Variants in EPB41L4A observed in about 807,000 individuals in gnomAD.
EPB41L4A encodes erythrocyte membrane protein band 4.1 like 4A, also known as band 4.1-like protein 4A.
EPB41L4A carries 100 observed loss-of-function variants against 108.6 expected under a neutral mutation model. The observed-to-expected ratio is 0.92, with a 90% confidence interval of 0.78 to 1.09. EPB41L4A has a LOEUF of 1.09. Ranked by LOEUF, EPB41L4A falls within the 50% of genes least tolerant of loss-of-function variation. EPB41L4A has a pLI of 0.00. For missense variants in EPB41L4A, 1,030 were observed against 842.7 expected (o/e 1.22, Z -2.75); for synonymous variants, 319 against 289.0 (o/e 1.10, Z -1.05).
At chr5:112,165,224 T>G (rs1760172244) in intron 22 of EPB41L4A, 106 bp from the exon 23 acceptor site, 1 of 838,776 alleles carries the variant, frequency 1.2e-6, no homozygotes, top group Non-Finnish European at 1.9e-6. Flanking sequence ...GATACTGAGT[T>G]AATTCAAAAG....
intron 1 of EPB41L4A, among the ~76,000 whole-genome samples, chr5:112,342,557 G>C (rs2150704173): frequency 6.6e-6 from 1 of 152,284 alleles, no homozygotes; most frequent in Non-Finnish European, 1.5e-5. Context: ...TTAGTTACCA[G>C]TTTAATCCAA....
At chr5:112,203,799 T>C (rs1676999223) in intron 15 of EPB41L4A, among the ~76,000 whole-genome samples, 1 of 152,118 alleles carries the variant, frequency 6.6e-6, no homozygotes, top group African/African-American at 2.4e-5. Context: ...CCCAGCACTT[T>C]GGGAGGCCGA....
At chr5:112,179,637 C>T (rs780572450) in intron 18 of EPB41L4A, among the ~76,000 whole-genome samples, 17 of 152,146 alleles carry the variant, frequency 1.1e-4, no homozygotes, top group Non-Finnish European at 1.0e-4. Flanking sequence ...ATGATCAAAA[C>T]TCTTCACTAA....
At chr5:112,337,654 T>C (rs1363251303) in intron 1 of EPB41L4A, among the ~76,000 whole-genome samples, 1 of 152,082 alleles carries the variant, frequency 6.6e-6, no homozygotes, top group Non-Finnish European at 1.5e-5. Context: ...TATACAAGGA[T>C]CCTAATTTCA....
chr5:112,337,490 T>A (rs6860627), intron 1 of EPB41L4A, among the ~76,000 whole-genome samples: 6 of 152,036 alleles, frequency 3.9e-5, no homozygotes, highest in Non-Finnish European at 5.9e-5. Flanking sequence ...ATGCAGTATC[T>A]CAGTCATCAC....
At chr5:112,386,941 C>A (rs1279759765) in intron 1 of EPB41L4A, among the ~76,000 whole-genome samples, 1 of 152,238 alleles carries the variant, frequency 6.6e-6, no homozygotes, top group Non-Finnish European at 1.5e-5. Flanking sequence ...GACCTCACCA[C>A]TGACAGTGTT....
intron 1 of EPB41L4A, among the ~76,000 whole-genome samples, chr5:112,341,507 A>G (rs1417699529): frequency 6.6e-6 from 1 of 152,210 alleles, no homozygotes; most frequent in East Asian, 1.9e-4. Flanking sequence ...CAGCAATAGG[A>G]TCCTCTGAAA....
chr5:112,402,463 CTTTGGTCAACTCACCAG>C (rs1761827449), intron 1 of EPB41L4A, among the ~76,000 whole-genome samples: 1 of 152,088 alleles, frequency 6.6e-6, no homozygotes, highest in Non-Finnish European at 1.5e-5. Flanking sequence ...AACAACATGA[CTTTGGTCAACTCACCAG>C]TTACTGCAGC....
At chr5:112,183,964 G>T in intron 18 of EPB41L4A, 52 bp downstream of exon 18, 1 of 1,607,862 alleles carries the variant, frequency 6.2e-7, no homozygotes, top group Non-Finnish European at 8.5e-7. Flanking sequence ...ATATCCACAT[G>T]CTACTTCAAA....
intron 1 of EPB41L4A, among the ~76,000 whole-genome samples, chr5:112,361,491 C>T (rs1218901781): frequency 2.7e-5 from 4 of 148,818 alleles, no homozygotes; most frequent in South Asian, 2.1e-4. Context: ...TCCCCCTCTC[C>T]GAGAAACACC....
intron 1 of EPB41L4A, among the ~76,000 whole-genome samples, chr5:112,313,362 C>T (rs866934746): frequency 7.6e-4 from 115 of 152,214 alleles, no homozygotes; most frequent in African/African-American, 2.5e-3. Flanking sequence ...GAGGCCGAGG[C>T]GGGTGGATCA....
chr5:112,215,778 C>CAA (rs775263231), intron 12 of EPB41L4A, among the ~76,000 whole-genome samples: 19 of 99,136 alleles, frequency 1.9e-4, no homozygotes, highest in East Asian at 7.1e-4. Flanking sequence ...AAAAAAAAAA[C>CAA]AAAAAAAACA....
At chr5:112,390,454 A>C (rs1397449595) in intron 1 of EPB41L4A, among the ~76,000 whole-genome samples, 1 of 152,182 alleles carries the variant, frequency 6.6e-6, no homozygotes, top group Non-Finnish European at 1.5e-5. Context: ...CCAGCACAGC[A>C]GTCCGAGATC....
At chr5:112,243,551 T>C (rs986045162) in intron 9 of EPB41L4A, among the ~76,000 whole-genome samples, 6 of 152,202 alleles carry the variant, frequency 3.9e-5, no homozygotes, top group Non-Finnish European at 8.8e-5. Context: ...CTAGATGGCA[T>C]CTTCTTCCAA....
chr5:112,188,596 AATCTTGATAT>A (rs1408141262), intron 17 of EPB41L4A, among the ~76,000 whole-genome samples: 3 of 152,116 alleles, frequency 2.0e-5, no homozygotes, highest in Non-Finnish European at 4.4e-5. Context: ...CAAATGTCTA[AATCTTGATAT>A]ATCCTATTAA....
chr5:112,263,235 A>G (rs1751619754), intron 6 of EPB41L4A, among the ~76,000 whole-genome samples: 1 of 152,192 alleles, frequency 6.6e-6, no homozygotes, highest in South Asian at 2.1e-4. Context: ...TGCATGTGCA[A>G]GCGAGTGTGT....
At chr5:112,358,971 A>C (rs915985124) in intron 1 of EPB41L4A, among the ~76,000 whole-genome samples, 2 of 152,230 alleles carry the variant, frequency 1.3e-5, no homozygotes, top group African/African-American at 4.8e-5. Context: ...CCTTTTATAC[A>C]ATGTCAAAAT....
At position 112,419,240 on chromosome 5, in the gene EPB41L4A, C is replaced by T. The variant is rs1762925157; in HGVS notation, c.-201G>A. On this transcript the variant is annotated 5_prime_UTR_variant, in exon 1 of 23. Transcript: ENST00000261486. ...GAAAGGCGGAAAAGCCCGGGAGAGT[C>T]AGCGCCCGGGAGCCGCCGGGGAAGC... is the stretch of plus-strand genomic sequence containing the variant. 2 of 434,258 alleles carry T rather than the reference C, an allele frequency of 4.6e-6. No homozygotes were observed. The highest frequency in any genetic ancestry group is 8.2e-6 in the Non-Finnish European group (2 of 245,278). The allele number at this position is 434,258 out of a possible 1,614,324, so 26.9% of individuals were successfully genotyped here. A position where few individuals can be genotyped will look rare whatever the true frequency, so the allele number is the denominator to read the frequency against.
rs1749630095 is a variant in EPB41L4A at position 112,239,655 on chromosome 5, T to C, written c.965+5A>G. 6.3e-7 allele frequency: 1 copy of C among 1,578,326 alleles called. No individual in the cohort carries two copies. The highest frequency in any genetic ancestry group is 8.6e-7 in the Non-Finnish European group (1 of 1,161,570). The stretch of plus-strand genomic sequence containing the variant: ...CATCCCCCCAAGGAAAAAAATGTCA[T>C]TTACCTGTAGCGGTGCTTATAACGT... On this transcript the variant is annotated splice_donor_5th_base_variant and intron_variant, in intron 11 of 22. Transcript: ENST00000261486.
Sources: allele counts gnomAD v4.1 joint callset (sites outside exome capture counted in the v4.1 genomes callset), GRCh38; gene constraint gnomAD v4.1.1; transcripts MANE v1.5; gene names NCBI Gene and HGNC (gene_info 2026-07-23, HGNC 2026-07-21).